NSUN6: variants seen among roughly 807,000 people sequenced by gnomAD.
NSUN6 encodes the protein tRNA (cytosine(72)-C(5))-methyltransferase NSUN6.
NSUN6 carries 64 observed loss-of-function variants against 58.0 expected under a neutral mutation model. That is an observed-to-expected ratio of 1.10 (90% CI 0.90 to 1.36). The LOEUF is 1.36. NSUN6 is among the 40% of genes most tolerant of loss of function. NSUN6 has a pLI of 0.00. For missense variants in NSUN6, 701 were observed against 550.1 expected (o/e 1.27, Z -2.74); for synonymous variants, 231 against 193.9 (o/e 1.19, Z -1.59).
At position 18,585,959 on chromosome 10, in the gene NSUN6, C is replaced by T. The variant is rs1472206827; in HGVS notation, c.912G>A (p.Glu304=). The change falls in exon 8 of 11, where the codon GAG becomes GAA. Residue 304 remains glutamate (E), a synonymous_variant. Transcript: ENST00000377304. ...GTKAVKLDMV[E]DTEGEPPFLP... is the part of the protein sequence containing the mutation. ...ATCAAAATAGCTCACCTTCTGTGTC[C>T]TCCACCATATCAAGTTTAACCGCCT... 1.2e-6 allele frequency: 2 copies of T among 1,602,050 alleles called. No individual in the cohort carries two copies. The highest frequency in any genetic ancestry group is 1.1e-5 in the South Asian group (1 of 87,738).
Position 18,554,310 on chromosome 10 carries a change from G to A in NSUN6, c.923-2339C>T, listed in dbSNP as rs540655700. Among the ~76,000 whole-genome samples, 3 of 150,990 alleles carry A rather than the reference G, an allele frequency of 2.0e-5. No individual in the cohort carries two copies. The East Asian group carries it at 5.9e-4, about 30-fold the overall frequency. On this transcript the variant is annotated intron_variant, in intron 8 of 10. Coordinates refer to ENST00000377304, the MANE Select transcript of NSUN6 (RefSeq NM_182543.5). ...AATGGAATGGAGAACAGAATGCAAT[G>A]GAGAGTGGAATGCAATGTGGAATGG...
intron 5 of NSUN6, among the ~76,000 whole-genome samples, chr10:18,613,859 T>C (rs2058320720): frequency 6.6e-6 from 1 of 152,158 alleles, no homozygotes; most frequent in Non-Finnish European, 1.5e-5. Flanking sequence ...TTTGGAGTAA[T>C]GGAGCTGTCC....
chr10:18,562,738 G>T (rs1289140431), intron 8 of NSUN6, among the ~76,000 whole-genome samples: 4 of 148,092 alleles, frequency 2.7e-5, no homozygotes, highest in Admixed American at 6.7e-5. Flanking sequence ...AAATGGAATG[G>T]AATGGAGAAT....
At chr10:18,637,794 A>T (rs546385139) in intron 3 of NSUN6, among the ~76,000 whole-genome samples, 17 of 152,396 alleles carry the variant, frequency 1.1e-4, no homozygotes, top group South Asian at 6.2e-4. Flanking sequence ...ATTAGAAAGA[A>T]TGAAATAGTG....
rs185875683 is a variant in NSUN6, at chr10:18,629,064, A to C, written c.312-12771T>G. On this transcript the variant is annotated intron_variant, in intron 3 of 10. Transcript: ENST00000377304. ...GACTAACAGCAGGTCTCTTGGCAGA[A>C]ACTCTACAAGCCAGAAGAGAGTGGG... Among the ~76,000 whole-genome samples, 299 of 152,334 alleles carry C rather than the reference A, an allele frequency of 2.0e-3. 5 individuals are homozygous for C. In the South Asian group the frequency reaches 0.033, roughly 17 times the overall value.
chr10:18,647,172 A>T (rs1293360529), intron 2 of NSUN6, among the ~76,000 whole-genome samples: 1 of 152,212 alleles, frequency 6.6e-6, no homozygotes, highest in African/African-American at 2.4e-5. Flanking sequence ...AAGAGTCCAT[A>T]AATGTAATAG....
intron 8 of NSUN6, among the ~76,000 whole-genome samples, chr10:18,560,329 G>A (rs1302346325): frequency 1.3e-5 from 2 of 151,596 alleles, no homozygotes; most frequent in Non-Finnish European, 3.0e-5. Context: ...ATGGAGAATG[G>A]AATGGTATGA....
chr10:18,604,059 G>A (rs1158301053), intron 6 of NSUN6, among the ~76,000 whole-genome samples: 4 of 152,070 alleles, frequency 2.6e-5, no homozygotes, highest in Non-Finnish European at 4.4e-5. Context: ...GCGGGGGCCT[G>A]CAGTCCCACC....
At chr10:18,563,345 T>C (rs1226267925) in intron 8 of NSUN6, among the ~76,000 whole-genome samples, 1 of 149,454 alleles carries the variant, frequency 6.7e-6, no homozygotes, top group African/African-American at 2.5e-5. Flanking sequence ...TGGAATAGAA[T>C]AGAGAATGAA....
chr10:18,618,776 T>C (rs2058502288), intron 3 of NSUN6, among the ~76,000 whole-genome samples: 1 of 151,858 alleles, frequency 6.6e-6, no homozygotes, highest in South Asian at 2.1e-4. Context: ...TTCTAGATAA[T>C]TTCCTAAGAG....
At chr10:18,652,430 C>T (rs1462318544), upstream of NSUN6, 1 of 984,768 alleles carries the variant, frequency 1.0e-6, no homozygotes, top group Non-Finnish European at 1.2e-6. Flanking sequence ...AATTTTCACA[C>T]CGAATTATAC....
chr10:18,607,709 A>C (rs2058091668), intron 6 of NSUN6, among the ~76,000 whole-genome samples: 1 of 152,250 alleles, frequency 6.6e-6, no homozygotes, highest in South Asian at 2.1e-4. Flanking sequence ...CAGATCTTCC[A>C]AGGGTTACAT....
intron 2 of NSUN6, among the ~76,000 whole-genome samples, chr10:18,647,352 A>G (rs1177796220): frequency 1.3e-5 from 2 of 152,182 alleles, no homozygotes; most frequent in Non-Finnish European, 2.9e-5. Flanking sequence ...CCCACGTTAC[A>G]TGTTACCAGT....
chr10:18,554,554 T>C (rs1455699652), intron 8 of NSUN6, among the ~76,000 whole-genome samples: 1 of 146,254 alleles, frequency 6.8e-6, no homozygotes, highest in South Asian at 2.2e-4. Context: ...GAATAGAGAA[T>C]TGAATGGAAT....
chr10:18,577,819 C>T (rs1267775453), intron 8 of NSUN6, among the ~76,000 whole-genome samples: 2 of 152,216 alleles, frequency 1.3e-5, no homozygotes. Flanking sequence ...TTCTGATCTA[C>T]CCTGGCTCCC....
At chr10:18,547,885 C>T (rs773497159) in intron 10 of NSUN6, among the ~76,000 whole-genome samples, 3 of 152,146 alleles carry the variant, frequency 2.0e-5, no homozygotes, top group African/African-American at 7.2e-5. Context: ...CACTCCCAAG[C>T]TCTGTGCCAT....
At chr10:18,550,558 G>A (rs61683342) in intron 9 of NSUN6, among the ~76,000 whole-genome samples, 1 of 152,086 alleles carries the variant, frequency 6.6e-6, no homozygotes, top group African/African-American at 2.4e-5. Context: ...AAGACTAGGA[G>A]AAATCCTCAA....
At chr10:18,616,364 A>G in intron 3 of NSUN6, 71 bp from the exon 4 acceptor site, 9 of 883,616 alleles carry the variant, frequency 1.0e-5, no homozygotes, top group South Asian at 7.0e-5. Context: ...CCCGTGTTCT[A>G]TCTGAACTCT....
chr10:18,599,309 C>G (rs2057716293), intron 6 of NSUN6, among the ~76,000 whole-genome samples: 1 of 152,168 alleles, frequency 6.6e-6, no homozygotes, highest in Non-Finnish European at 1.5e-5. Flanking sequence ...CTAGGCTAGT[C>G]TCAAACTTCT....
Sources: allele counts gnomAD v4.1 joint callset (sites outside exome capture counted in the v4.1 genomes callset), GRCh38; gene constraint gnomAD v4.1.1; transcripts MANE v1.5; gene names NCBI Gene and HGNC (gene_info 2026-07-23, HGNC 2026-07-21).